The following KCNQ3 variants were observed in gnomAD, a reference collection of about 807,000 sequenced individuals.
KCNQ3 encodes the protein potassium voltage-gated channel subfamily KQT member 3.
Under a neutral mutation model 92.5 loss-of-function variants are expected in KCNQ3, and 30 were observed. That is an observed-to-expected ratio of 0.32 (90% CI 0.24 to 0.44). The LOEUF is 0.44. Ranked by LOEUF, KCNQ3 falls within the 20% of genes least tolerant of loss-of-function variation. The pLI, the probability that KCNQ3 is intolerant of heterozygous loss-of-function variation, is 1.00. For missense variants in KCNQ3, 913 were observed against 1,140.3 expected, an observed-to-expected ratio of 0.80 and a Z score of 2.87; for synonymous variants, 450 against 468.8, an observed-to-expected ratio of 0.96 and a Z score of 0.52.
intron 1 of KCNQ3, among the ~76,000 whole-genome samples, chr8:132,443,998 T>A (rs1050369551): frequency 2.6e-5 from 4 of 152,180 alleles, no homozygotes; most frequent in African/African-American, 9.7e-5. Flanking sequence ...CCCCTTTTCT[T>A]CTTATCAGAA....
intron 1 of KCNQ3, among the ~76,000 whole-genome samples, chr8:132,227,206 C>T (rs1814457975): frequency 6.6e-6 from 1 of 151,942 alleles, no homozygotes; most frequent in South Asian, 2.1e-4. Flanking sequence ...GGACTACAGG[C>T]ACGTGCCCCA....
intron 1 of KCNQ3, among the ~76,000 whole-genome samples, chr8:132,415,858 A>C (rs576597144): frequency 2.8e-4 from 43 of 152,362 alleles, no homozygotes; most frequent in African/African-American, 9.6e-4. Context: ...ATTAGGAAGA[A>C]AAGATCTAAA....
At position 132,124,259 on chromosome 8, in the gene KCNQ3, G is replaced by A. The variant is rs1372688944; in HGVS notation, c.*5003C>T. 6.6e-6 allele frequency: 1 copy of A among 150,604 alleles called. No individual in the cohort carries two copies. Among genetic ancestry groups the A allele is most frequent in the East Asian group, 1.9e-4 (1 of 5,192 alleles). 9.3% of individuals were successfully genotyped at this position (150,604 alleles called of 1,614,324 possible). A position where few individuals can be genotyped will look rare whatever the true frequency, so the allele number is the denominator to read the frequency against. On this transcript the variant is annotated 3_prime_UTR_variant, in exon 15 of 15. Coordinates refer to ENST00000388996, the MANE Select transcript of KCNQ3 (RefSeq NM_004519.4). ...TTAATAATTAGGATTGTTTCTCCAC[G>A]ATTCTTTTTCTGAAAAAAAATTTTT...
At chr8:132,429,861 CAAAA>C (rs374921143) in intron 1 of KCNQ3, among the ~76,000 whole-genome samples, 1 of 64,094 alleles carries the variant, frequency 1.6e-5, no homozygotes. Flanking sequence ...AACTCCTTCT[CAAAA>C]AAAAAAAAAA....
chr8:132,236,568 C>T (rs1814823131), intron 1 of KCNQ3, among the ~76,000 whole-genome samples: 1 of 152,146 alleles, frequency 6.6e-6, no homozygotes, highest in African/African-American at 2.4e-5. Context: ...CGGAAGTTCA[C>T]CTAAGTTATC....
At chr8:132,468,960 C>T (rs982026128) in intron 1 of KCNQ3, among the ~76,000 whole-genome samples, 7 of 152,236 alleles carry the variant, frequency 4.6e-5, no homozygotes, top group Non-Finnish European at 8.8e-5. Flanking sequence ...CTTCAAACAA[C>T]TCTTCTATCA....
rs1423597114 is a variant in KCNQ3, at chr8:132,129,908, T to C, written c.1973A>G (p.Tyr658Cys). ...TGGCGAGGAGGTGCCCTTGGTTGGG[T>C]AATACTCCGTGACCTGCACCTGCAA... Reference protein sequence around the residue: ...ERLQVQVTEYYPTKGTSSPAE... With the variant: ...ERLQVQVTEYCPTKGTSSPAE... Residue 658 changes from tyrosine (Y) to cysteine (C), a missense_variant, in exon 15 of 15, where the codon TAC (tyrosine) becomes TGC (cysteine). Coordinates refer to ENST00000388996, the MANE Select transcript of KCNQ3 (RefSeq NM_004519.4). This position sits in a 1 kb window ranked among gnomAD's most constrained non-coding sequence, Gnocchi z 5.9. The C allele has an allele frequency of 1.6e-5, 26 of 1,614,088 alleles. No homozygotes were observed. Among genetic ancestry groups the C allele is most frequent in the Non-Finnish European group, 2.2e-5 (26 of 1,180,010 alleles).
At chr8:132,177,916 CT>C (rs1474572282) in intron 4 of KCNQ3, among the ~76,000 whole-genome samples, 1 of 152,222 alleles carries the variant, frequency 6.6e-6, no homozygotes, top group Non-Finnish European at 1.5e-5. Context: ...TAACAACAGC[CT>C]GTAAATCTAA....
chr8:132,379,306 A>AT (rs5895139), intron 1 of KCNQ3, among the ~76,000 whole-genome samples: 84,060 of 151,226 alleles, frequency 0.56, 26,091 homozygotes, highest in African/African-American at 0.86. Flanking sequence ...GATTAGCTCT[A>AT]TTTTTTTTTC....
At chr8:132,303,831 T>C (rs1024003407) in intron 1 of KCNQ3, among the ~76,000 whole-genome samples, 5 of 149,874 alleles carry the variant, frequency 3.3e-5, no homozygotes, top group African/African-American at 1.2e-4. Context: ...TATACATATG[T>C]ACACACAGAA....
rs974274243 is a variant in KCNQ3, at chr8:132,186,119, G to T, written c.449C>A (p.Thr150Asn). ...AVLTTFKEYE[T>N]VSGDWLLLLE... ...TAACAGAAGCCAGTCTCCCGAGACA[G>T]TCTCATACTCCTTGAATGTGGTCAG... is the stretch of plus-strand genomic sequence containing the variant. The change falls in exon 2 of 15, where the codon ACT (threonine) becomes AAT (asparagine). Residue 150 changes from threonine (T) to asparagine (N), a missense_variant. Coordinates refer to ENST00000388996, the MANE Select transcript of KCNQ3 (RefSeq NM_004519.4). The T allele has an allele frequency of 6.8e-6, 11 of 1,613,656 alleles. No individual in the cohort carries two copies. Among genetic ancestry groups the T allele is most frequent in the African/African-American group, 1.3e-5 (1 of 74,926 alleles).
At chr8:132,184,447 C>A in intron 2 of KCNQ3, 80 bp from the exon 3 acceptor site, 1 of 1,506,662 alleles carries the variant, frequency 6.6e-7, no homozygotes, top group Non-Finnish European at 9.1e-7. Context: ...TTCGGAAGTT[C>A]TGAAGAACTC....
At chr8:132,397,922 A>G (rs770147862) in intron 1 of KCNQ3, among the ~76,000 whole-genome samples, 43 of 152,154 alleles carry the variant, frequency 2.8e-4, no homozygotes, top group Non-Finnish European at 5.6e-4. Context: ...ATCCTAGGAA[A>G]TTTTTTAAGG....
chr8:132,155,072 A>G lies in KCNQ3; in HGVS notation c.1262+8396T>C, dbSNP rs190564540. ...TGTTCTCTCGTTTCTGGTAGAGCTT[A>G]AGAGTTTCCTTCCTTTGTGCCTGTT... On this transcript the variant is annotated intron_variant, in intron 9 of 14. Coordinates refer to ENST00000388996, the MANE Select transcript of KCNQ3 (RefSeq NM_004519.4). 2.0e-5 allele frequency among the ~76,000 whole-genome samples: 3 copies of G among 152,310 alleles called. No homozygotes were observed. The East Asian group carries it at 5.8e-4, about 29-fold the overall frequency.
At chr8:132,438,845 AAG>A (rs1821459786) in intron 1 of KCNQ3, among the ~76,000 whole-genome samples, 1 of 151,536 alleles carries the variant, frequency 6.6e-6, no homozygotes, top group African/African-American at 2.4e-5. Context: ...GCTCTTGAAG[AAG>A]AGATTCAAGC....
At chr8:132,280,206 G>A (rs1816469856) in intron 1 of KCNQ3, among the ~76,000 whole-genome samples, 1 of 152,180 alleles carries the variant, frequency 6.6e-6, no homozygotes, top group Non-Finnish European at 1.5e-5. Context: ...ATGATTGAAG[G>A]GGGTTAGCTA....
intron 1 of KCNQ3, among the ~76,000 whole-genome samples, chr8:132,352,081 A>C (rs1818887256): frequency 6.6e-6 from 1 of 152,148 alleles, no homozygotes; most frequent in Non-Finnish European, 1.5e-5. Flanking sequence ...AATCCTAATA[A>C]AAATCCCATG....
chr8:132,431,206 G>A (rs1821241975), intron 1 of KCNQ3, among the ~76,000 whole-genome samples: 1 of 152,138 alleles, frequency 6.6e-6, no homozygotes, highest in African/African-American at 2.4e-5. Context: ...CTCCCTAGGA[G>A]AGTTTGTCCT....
intron 7 of KCNQ3, 23 bp from the exon 8 acceptor site, chr8:132,170,451 A>G (rs754092190): frequency 1.3e-6 from 2 of 1,511,310 alleles, no homozygotes; most frequent in Non-Finnish European, 1.8e-6. Flanking sequence ...AAAGAGGGGC[A>G]ACAATGAGTG....
Sources: gnomAD v4.1 joint callset for allele counts (sites outside exome capture counted in the v4.1 genomes callset) on GRCh38, gnomAD v4.1.1 for gene constraint, Gnocchi (gnomAD v3.1) non-coding constraint, MANE v1.5 for transcripts, NCBI Gene and HGNC (gene_info 2026-07-23, HGNC 2026-07-21) for gene names.